TMC2: variants seen among roughly 807,000 people sequenced by gnomAD.
The protein encoded by TMC2 is transmembrane channel-like protein 2.
A neutral mutation model predicts 105.9 loss-of-function variants in TMC2; 102 were observed. The observed-to-expected ratio is 0.96, with a 90% CI of 0.82 to 1.14. TMC2 has a LOEUF of 1.14. Ranked by LOEUF, TMC2 falls within the 50% of genes most tolerant of loss-of-function variation. The probability of loss-of-function intolerance (pLI) is 0.00; values close to 1 mark genes in which losing one functional copy is unlikely to be tolerated. For missense variants in TMC2, 1,093 were observed against 1,134.3 expected (o/e 0.96, Z 0.52); for synonymous variants, 402 against 422.8 (o/e 0.95, Z 0.60).
At position 2,623,983 on chromosome 20, in the gene TMC2, G is replaced by C. The variant is rs535598745; in HGVS notation, c.2181-288G>C. Among the ~76,000 whole-genome samples the C allele has an allele frequency of 2.0e-5, 3 of 152,122 alleles. No individual in the cohort carries two copies. The South Asian group carries it at 6.2e-4, about 31-fold the overall frequency. ...TACATGAGGAAAACCATTTTTTTCTGGCTGAGGAAGGTGTCAGACACAAAA... is the reference window on the plus strand; with the variant it reads ...TACATGAGGAAAACCATTTTTTTCTCGCTGAGGAAGGTGTCAGACACAAAA... On this transcript the variant is annotated intron_variant, in intron 16 of 19. Coordinates refer to ENST00000358864, the MANE Select transcript of TMC2 (RefSeq NM_080751.3).
Position 2,612,348 on chromosome 20 carries a change from G to C in TMC2, c.1743+8G>C, listed in dbSNP as rs1230281607. The C allele has an allele frequency of 6.4e-7, 1 of 1,554,544 alleles. No homozygotes were observed. The stretch of plus-strand genomic sequence containing the variant: ...GAGACAGCTGTGGGCATTGTGAGTA[G>C]TTACACTCTCTAAAAAGGTGACCCC... On this transcript the variant is annotated splice_region_variant and intron_variant, in intron 13 of 19. Transcript: ENST00000358864.
chr20:2,553,759 C>A (rs147086803), intron 2 of TMC2, among the ~76,000 whole-genome samples: 110 of 152,278 alleles, frequency 7.2e-4, no homozygotes, highest in African/African-American at 2.5e-3. Context: ...TAGGCCTATT[C>A]AGATTACTTA....
intron 11 of TMC2, among the ~76,000 whole-genome samples, chr20:2,605,143 T>C (rs1837319849): frequency 6.6e-6 from 1 of 152,138 alleles, no homozygotes; most frequent in African/African-American, 2.4e-5. Flanking sequence ...TTAATTGAAT[T>C]GAATTGAATT....
chr20:2,588,717 G>GTGTGTGTGTGTGTGTGTGTGTC (rs1213895827), intron 7 of TMC2, among the ~76,000 whole-genome samples: 18 of 151,682 alleles, frequency 1.2e-4, no homozygotes, highest in Admixed American at 2.6e-4. Context: ...GTGTGTGTGT[G>GTGTGTGTGTGTGTGTGTGTGTC]TGTGTCTTGT....
At chr20:2,629,116 A>G (rs1174779778) in intron 17 of TMC2, among the ~76,000 whole-genome samples, 1 of 152,104 alleles carries the variant, frequency 6.6e-6, no homozygotes, top group Non-Finnish European at 1.5e-5. Context: ...AAAAGAAAAC[A>G]GGCTAATACA....
At chr20:2,539,765 AC>A (rs1169801088) in intron 2 of TMC2, among the ~76,000 whole-genome samples, 1 of 152,168 alleles carries the variant, frequency 6.6e-6, no homozygotes, top group African/African-American at 2.4e-5. Context: ...GACAAATCAT[AC>A]CTCACTGGCT....
At chr20:2,585,287 T>A (rs2086224126) in intron 7 of TMC2, among the ~76,000 whole-genome samples, 1 of 152,222 alleles carries the variant, frequency 6.6e-6, no homozygotes, top group Admixed American at 6.5e-5. Flanking sequence ...CTATTATGAA[T>A]AACTCTACTA....
chr20:2,552,316 G>A (rs1250394360), intron 2 of TMC2, among the ~76,000 whole-genome samples: 1 of 152,152 alleles, frequency 6.6e-6, no homozygotes, highest in Non-Finnish European at 1.5e-5. Context: ...ATAATTTGCT[G>A]GGATTTTGAT....
Position 2,558,627 on chromosome 20 carries a change from A to G in TMC2, c.254A>G (p.Glu85Gly), listed in dbSNP as rs1188458244. 2 of 1,564,840 alleles carry G rather than the reference A, an allele frequency of 1.3e-6. No individual in the cohort carries two copies. Among genetic ancestry groups the G allele is most frequent in the Admixed American group, 3.9e-5 (2 of 51,804 alleles). The change falls in exon 3 of 20, where the codon GAG (glutamate) becomes GGG (glycine). Residue 85 changes from glutamate to glycine, a missense_variant. Transcript: ENST00000358864. The surrounding 1 kb of genome is among the most constrained non-coding windows in gnomAD (Gnocchi z 4.6). Reference protein sequence around the residue: ...GRRRHREELGEQERGEAERTC... With the variant: ...GRRRHREELGGQERGEAERTC... ...AGGAGACACAGAGAAGAGCTGGGGG[A>G]GCAGGAGCGGGGCGAGGCAGAGAGG...
chr20:2,568,836 C>A (rs117363034), intron 4 of TMC2, among the ~76,000 whole-genome samples: 2,776 of 152,244 alleles, frequency 0.018, 36 homozygotes, highest in Non-Finnish European at 0.023. Flanking sequence ...GTAGGACAGG[C>A]AGCCTCACTA....
chr20:2,542,313 G>C (rs1179586688), intron 2 of TMC2, among the ~76,000 whole-genome samples: 2 of 152,136 alleles, frequency 1.3e-5, no homozygotes, highest in African/African-American at 4.8e-5. Flanking sequence ...AAGCGTTTTG[G>C]GGCTTCTGGG....
rs779393448 is a variant in TMC2, at chr20:2,616,231, C to G, written c.1940+27C>G. The G allele has an allele frequency of 5.0e-6, 8 of 1,593,594 alleles. No homozygotes were observed. Among genetic ancestry groups the G allele is most frequent in the Non-Finnish European group, 5.2e-6 (6 of 1,161,556 alleles). ...TGAGTTATCCATTTCATCTGGTGATCGCCTCATCCAAGGAGTCAAAAAACT... is the reference window on the plus strand; with the variant it reads ...TGAGTTATCCATTTCATCTGGTGATGGCCTCATCCAAGGAGTCAAAAAACT... On this transcript the variant is annotated intron_variant, in intron 15 of 19. Transcript: ENST00000358864. This position sits in a 1 kb window ranked among gnomAD's most constrained non-coding sequence, Gnocchi z 4.8.
rs1408321741 is a variant in TMC2 at position 2,592,073 on chromosome 20, A to T, written c.835-237A>T. Reference sequence around the variant, plus strand: ...AGACTGAGGCAGGAGAATCACTTGAACCTGGGAGGCGGAGGTTACAGTAAG... The same window carrying T: ...AGACTGAGGCAGGAGAATCACTTGATCCTGGGAGGCGGAGGTTACAGTAAG... On this transcript the variant is annotated intron_variant, in intron 7 of 19. Transcript: ENST00000358864. This position sits in a 1 kb window ranked among gnomAD's most constrained non-coding sequence, Gnocchi z 4.9. Among the ~76,000 whole-genome samples, 1 of 152,200 alleles carries T rather than the reference A, an allele frequency of 6.6e-6. No homozygotes were observed. Among genetic ancestry groups the T allele is most frequent in the Non-Finnish European group, 1.5e-5 (1 of 68,034 alleles).
chr20:2,616,232 G>A lies in TMC2; in HGVS notation c.1940+28G>A, dbSNP rs748842543. On this transcript the variant is annotated intron_variant, in intron 15 of 19. Transcript: ENST00000358864. This position sits in a 1 kb window ranked among gnomAD's most constrained non-coding sequence, Gnocchi z 4.8. Reference sequence around the variant, plus strand: ...GAGTTATCCATTTCATCTGGTGATCGCCTCATCCAAGGAGTCAAAAAACTG... The same window carrying A: ...GAGTTATCCATTTCATCTGGTGATCACCTCATCCAAGGAGTCAAAAAACTG... 3.1e-5 allele frequency: 50 copies of A among 1,592,678 alleles called. 1 individual carries two copies. The highest frequency in any genetic ancestry group is 3.1e-4 in the South Asian group (28 of 90,646).
Position 2,632,878 on chromosome 20 carries a change from T to C in TMC2, c.2307-3048T>C, listed in dbSNP as rs559616527. On this transcript the variant is annotated intron_variant, in intron 17 of 19. Transcript: ENST00000358864. ...TGCTGGGATTACAGGCGTGAGCCAC[T>C]GCACCCAGCCATGTCTTACTAGTTT... 2.0e-4 allele frequency among the ~76,000 whole-genome samples: 31 copies of C among 152,356 alleles called. 1 individual carries two copies. In the South Asian group the frequency reaches 6.2e-3, roughly 31 times the overall value.
chr20:2,616,193 A>T lies in TMC2; in HGVS notation c.1929A>T (p.Gln643His), dbSNP rs1424783568. Residue 643 changes from glutamine to histidine, a missense_variant, in exon 15 of 20, where the codon CAA becomes CAT. Coordinates refer to ENST00000358864, the MANE Select transcript of TMC2 (RefSeq NM_080751.3). This position sits in a 1 kb window ranked among gnomAD's most constrained non-coding sequence, Gnocchi z 4.8. ...ATGTGCTGGGTTTGATCTTCAACCA[A>T]GGAATGATCTGGTGAGTTATCCATT... Reference protein sequence around the residue: ...SGNVLGLIFNQGMIWMGSFYA... With the variant: ...SGNVLGLIFNHGMIWMGSFYA... 6.2e-7 allele frequency: 1 copy of T among 1,613,120 alleles called. No individual in the cohort carries two copies. Among genetic ancestry groups the T allele is most frequent in the African/African-American group, 1.3e-5 (1 of 74,872 alleles).
intron 18 of TMC2, among the ~76,000 whole-genome samples, chr20:2,636,534 C>T (rs1195586275): frequency 2.0e-5 from 3 of 151,782 alleles, no homozygotes; most frequent in African/African-American, 7.3e-5. Context: ...TCCCTAAGCC[C>T]TGTTCTTGCT....
rs1568504355 is a variant in TMC2 at position 2,558,393 on chromosome 20, G to A, written c.83-63G>A. 1.3e-6 allele frequency: 2 copies of A among 1,543,458 alleles called. No individual in the cohort carries two copies. The highest frequency in any genetic ancestry group is 1.7e-6 in the Non-Finnish European group (2 of 1,143,500). On this transcript the variant is annotated intron_variant, in intron 2 of 19. Transcript: ENST00000358864. The surrounding 1 kb of genome is among the most constrained non-coding windows in gnomAD (Gnocchi z 4.6). ...CTTGGACGTCTGATTTCTCACGGCCGGGGACATTTTCCTGGGCCTGAGGCC... is the reference window on the plus strand; with the variant it reads ...CTTGGACGTCTGATTTCTCACGGCCAGGGACATTTTCCTGGGCCTGAGGCC...
intron 7 of TMC2, among the ~76,000 whole-genome samples, chr20:2,582,720 C>T (rs542304626): frequency 1.2e-4 from 18 of 152,212 alleles, no homozygotes; most frequent in Non-Finnish European, 2.2e-4. Flanking sequence ...AAGCGATCTG[C>T]TCGCCTCAGC....
Sources: allele counts gnomAD v4.1 joint callset (sites outside exome capture counted in the v4.1 genomes callset), GRCh38; gene constraint gnomAD v4.1.1; non-coding constraint Gnocchi (gnomAD v3.1); transcripts MANE v1.5; gene names NCBI Gene and HGNC (gene_info 2026-07-23, HGNC 2026-07-21).